The following BIRC6 variants were observed in gnomAD, a reference collection of about 807,000 sequenced individuals.
The protein encoded by BIRC6 is baculoviral IAP repeat containing 6.
Under a neutral mutation model 503.3 loss-of-function variants are expected in BIRC6, and 98 were observed. That is an observed-to-expected ratio of 0.19 (90% confidence interval 0.17 to 0.23). The LOEUF is 0.23. Ranked by LOEUF, BIRC6 falls within the 10% of genes least tolerant of loss-of-function variation. The pLI is 1.00. For missense variants in BIRC6, 5,360 were observed against 5,806.0 expected (o/e 0.92, Z 2.50); for synonymous variants, 2,240 against 2,078.7 (o/e 1.08, Z -2.11).
At chr2:32,467,467 G>A (rs1357663314) in intron 26 of BIRC6, 58 bp from the exon 27 acceptor site, 1 of 1,297,970 alleles carries the variant, frequency 7.7e-7, no homozygotes, top group Non-Finnish European at 1.1e-6. Context: ...TTATTTTTGA[G>A]TGTATCATTT....
At chr2:32,556,161 T>G (rs1034593371) in intron 65 of BIRC6, among the ~76,000 whole-genome samples, 7 of 152,212 alleles carry the variant, frequency 4.6e-5, no homozygotes, top group African/African-American at 1.7e-4. Flanking sequence ...TCCTTTTATT[T>G]AGAGTTTTCA....
chr2:32,530,258 C>T (rs1305952991), intron 60 of BIRC6, among the ~76,000 whole-genome samples: 1 of 151,904 alleles, frequency 6.6e-6, no homozygotes, highest in African/African-American at 2.4e-5. Flanking sequence ...TCTCCCAGGT[C>T]GGAGTGCAGA....
chr2:32,499,648 C>A lies in BIRC6; in HGVS notation c.8570C>A (p.Ser2857Tyr). The stretch of plus-strand genomic sequence containing the variant: ...GAAGTCGTTTCAGTTAGTACTATTT[C>A]TGCCGTGATAGAATCGGTTACATTT... ...NFEVVSVSTI[S>Y]AVIESVTFLV... Residue 2857 changes from serine (S) to tyrosine (Y), a missense_variant, in exon 46 of 74, where the codon TCT (serine) becomes TAT (tyrosine). By Grantham distance (144) the Ser-to-Tyr change is moderately radical (BLOSUM62 -2). Around this residue, in one of 16 missense-constraint regions of BIRC6, gnomAD observed 2,299 missense variants for 2,267.2 expected, o/e 1.01. Coordinates refer to ENST00000421745, the MANE Select transcript of BIRC6 (RefSeq NM_016252.4). The A allele has an allele frequency of 6.2e-7, 1 of 1,613,910 alleles. No homozygotes were observed.
chr2:32,404,317 T>A (rs932890843), intron 8 of BIRC6, among the ~76,000 whole-genome samples: 2 of 152,126 alleles, frequency 1.3e-5, no homozygotes, highest in South Asian at 4.1e-4. Context: ...TTTATTCATA[T>A]AATTTTTTTT....
chr2:32,454,450 C>T (rs552946836), intron 23 of BIRC6, among the ~76,000 whole-genome samples: 1 of 150,438 alleles, frequency 6.6e-6, no homozygotes, highest in East Asian at 1.9e-4. Context: ...TCAGTGGAAA[C>T]TTGTTTATTT....
chr2:32,568,882 G>A (rs1028328775), intron 65 of BIRC6, among the ~76,000 whole-genome samples: 1 of 150,930 alleles, frequency 6.6e-6, no homozygotes, highest in Non-Finnish European at 1.5e-5. Flanking sequence ...CACATAGTGT[G>A]AAGTCTGGGG....
intron 31 of BIRC6, 106 bp from the exon 32 acceptor site, chr2:32,470,908 A>T (rs1350840902): frequency 8.6e-7 from 1 of 1,161,690 alleles, no homozygotes; most frequent in Non-Finnish European, 1.2e-6. Context: ...TAATGATAAG[A>T]TATGTTTTGG....
chr2:32,453,976 A>G, intron 23 of BIRC6, 34 bp downstream of exon 23: 13 of 1,538,234 alleles, frequency 8.5e-6, no homozygotes, highest in South Asian at 2.3e-5. Flanking sequence ...CTTTTATTAT[A>G]TACTTTATGC....
At chr2:32,611,687 C>T in intron 73 of BIRC6, 105 bp downstream of exon 73, 1 of 1,131,436 alleles carries the variant, frequency 8.8e-7, no homozygotes, top group African/African-American at 1.6e-5. Context: ...ATTAAAGAAA[C>T]ATAATATGTA....
intron 47 of BIRC6, among the ~76,000 whole-genome samples, chr2:32,502,465 A>G (rs1247703579): frequency 6.6e-6 from 1 of 152,154 alleles, no homozygotes; most frequent in Non-Finnish European, 1.5e-5. Context: ...CATTTTTGTA[A>G]ACATTTGTTG....
At chr2:32,543,136 C>T (rs1372663534) in intron 61 of BIRC6, 105 bp from the exon 62 acceptor site, 2 of 1,241,900 alleles carry the variant, frequency 1.6e-6, no homozygotes, top group African/African-American at 1.5e-5. Flanking sequence ...CTTTATTAAT[C>T]CTTATAATCC....
At chr2:32,412,268 G>A (rs1201644233) in intron 9 of BIRC6, among the ~76,000 whole-genome samples, 3 of 151,968 alleles carry the variant, frequency 2.0e-5, no homozygotes, top group South Asian at 2.1e-4. Flanking sequence ...GGAGGCCGAG[G>A]TGGGCAGATC....
chr2:32,491,275 G>T, intron 43 of BIRC6, 150 bp from the exon 44 acceptor site: 1 of 739,586 alleles, frequency 1.4e-6, no homozygotes, highest in Non-Finnish European at 2.1e-6. Context: ...GTCCTGCTTA[G>T]TCAATATAGT....
chr2:32,492,861 T>C (rs1469398804), intron 44 of BIRC6, among the ~76,000 whole-genome samples: 5 of 151,994 alleles, frequency 3.3e-5, no homozygotes, highest in African/African-American at 1.2e-4. Flanking sequence ...TATTTTATTT[T>C]TCCAGAACTA....
At chr2:32,434,382 G>C (rs1340484342) in intron 13 of BIRC6, among the ~76,000 whole-genome samples, 1 of 152,070 alleles carries the variant, frequency 6.6e-6, no homozygotes, top group Non-Finnish European at 1.5e-5. Flanking sequence ...TTCAAACATT[G>C]AAACTTGAAA....
chr2:32,432,715 G>A (rs998358650), intron 12 of BIRC6, among the ~76,000 whole-genome samples: 12 of 150,754 alleles, frequency 8.0e-5, no homozygotes, highest in Non-Finnish European at 1.3e-4. Context: ...AGCCGTGATT[G>A]TGCCACTGTA....
intron 23 of BIRC6, among the ~76,000 whole-genome samples, chr2:32,454,457 A>G (rs1039112287): frequency 6.8e-6 from 1 of 147,264 alleles, no homozygotes; most frequent in East Asian, 2.0e-4. Context: ...AAACTTGTTT[A>G]TTTTCTTTCT....
intron 54 of BIRC6, among the ~76,000 whole-genome samples, chr2:32,514,696 A>G (rs1489682074): frequency 6.6e-6 from 1 of 151,878 alleles, no homozygotes; most frequent in Non-Finnish European, 1.5e-5. Flanking sequence ...TCTCTACATG[A>G]CCTTTTCAGG....
rs767820867 is a variant in BIRC6 at position 32,611,595 on chromosome 2, C to G, written c.14394+13C>G. On this transcript the variant is annotated intron_variant, in intron 73 of 73. Coordinates refer to ENST00000421745, the MANE Select transcript of BIRC6 (RefSeq NM_016252.4). ...AGCAGCTCTCAAGGTGAGTAAGCCT[C>G]TCTAACAGGAGCCTTGTTGCTTTAA... 1.9e-6 allele frequency: 3 copies of G among 1,541,952 alleles called. No individual in the cohort carries two copies. In the South Asian group the frequency reaches 3.8e-5, roughly 20 times the overall value.
Sources: gnomAD v4.1 joint callset for allele counts (sites outside exome capture counted in the v4.1 genomes callset) on GRCh38, gnomAD v4.1.1 for gene constraint, gnomAD v4.1.1 regional missense constraint, MANE v1.5 for transcripts, NCBI Gene and HGNC (gene_info 2026-07-23, HGNC 2026-07-21) for gene names.